The following PRTG variants were observed in gnomAD, a reference collection of about 807,000 sequenced individuals.
The protein encoded by PRTG is immunoglobulin superfamily, DCC subclass, member 5.
A neutral mutation model predicts 122.5 loss-of-function variants in PRTG; 67 were observed. The observed-to-expected ratio is 0.55, with a 90% CI of 0.45 to 0.67. The LOEUF (loss-of-function observed/expected upper bound fraction) is 0.67, where lower values mean the gene tolerates loss of function less well. Among genes scored for constraint, PRTG ranks in the 30% least tolerant of loss-of-function variants. The pLI is 0.00. For synonymous variants in PRTG, 554 were observed against 501.1 expected (o/e 1.11, Z -1.41); for missense variants, 1,435 against 1,415.4 (o/e 1.01, Z -0.22).
intron 9 of PRTG, among the ~76,000 whole-genome samples, chr15:55,673,972 T>G (rs981054516): frequency 6.6e-6 from 1 of 152,214 alleles, no homozygotes; most frequent in Admixed American, 6.5e-5. Context: ...ATGAGAATAC[T>G]TCTCAAACAA....
At chr15:55,656,310 T>A in intron 11 of PRTG, 1 of 454,272 alleles carries the variant, frequency 2.2e-6, no homozygotes, top group Non-Finnish European at 4.4e-6. Context: ...TTGTGGAATG[T>A]CTCACAATCC....
At chr15:55,713,948 A>T (rs1209174599) in intron 2 of PRTG, among the ~76,000 whole-genome samples, 1 of 152,114 alleles carries the variant, frequency 6.6e-6, no homozygotes, top group African/African-American at 2.4e-5. Context: ...TTCATGGGTT[A>T]GGCTTTCTGT....
At chr15:55,696,211 C>A (rs1236271055) in intron 2 of PRTG, among the ~76,000 whole-genome samples, 3 of 152,032 alleles carry the variant, frequency 2.0e-5, no homozygotes, top group East Asian at 3.8e-4. Flanking sequence ...CTGCAGTGAG[C>A]CATTATCATG....
chr15:55,722,630 G>C (rs2030869002), intron 2 of PRTG, among the ~76,000 whole-genome samples: 1 of 152,220 alleles, frequency 6.6e-6, no homozygotes, highest in African/African-American at 2.4e-5. Context: ...TAGGCTTGTA[G>C]TTTCCAGAGT....
rs991190962 is a variant in PRTG at position 55,686,718 on chromosome 15, A to G, written c.398-2787T>C. Among the ~76,000 whole-genome samples the G allele has an allele frequency of 9.8e-5, 15 of 152,314 alleles. No homozygotes were observed. The East Asian group carries it at 2.9e-3, about 29-fold the overall frequency. On this transcript the variant is annotated intron_variant, in intron 2 of 19. Coordinates refer to ENST00000389286, the MANE Select transcript of PRTG (RefSeq NM_173814.6). ...ATTCCCTGTAAAACTCTAGCCTTATATTCAACCACTTACAATGATGTTTCA... is the reference window on the plus strand; with the variant it reads ...ATTCCCTGTAAAACTCTAGCCTTATGTTCAACCACTTACAATGATGTTTCA...
chr15:55,646,211 A>C (rs1595616853), intron 11 of PRTG, among the ~76,000 whole-genome samples: 4 of 133,124 alleles, frequency 3.0e-5, no homozygotes, highest in African/African-American at 5.7e-5. Context: ...ACGGGGTTTC[A>C]CCATGTTGGC....
chr15:55,660,210 T>C (rs905167497), intron 11 of PRTG, among the ~76,000 whole-genome samples: 8 of 152,168 alleles, frequency 5.3e-5, no homozygotes, highest in African/African-American at 1.7e-4. Flanking sequence ...GCATAGTTAG[T>C]ACAAGGCTTA....
At chr15:55,626,941 T>A in intron 17 of PRTG, 67 bp downstream of exon 17, 1 of 1,472,210 alleles carries the variant, frequency 6.8e-7, no homozygotes, top group Non-Finnish European at 9.1e-7. Context: ...TTGACTTTCA[T>A]TTGTTTCCTG....
chr15:55,741,325 T>C (rs2031599818), intron 1 of PRTG, among the ~76,000 whole-genome samples: 1 of 152,232 alleles, frequency 6.6e-6, no homozygotes, highest in Non-Finnish European at 1.5e-5. Flanking sequence ...AGTTGGTAAC[T>C]CTTGCTGCTT....
intron 2 of PRTG, among the ~76,000 whole-genome samples, chr15:55,719,391 G>T (rs2030725772): frequency 6.6e-6 from 1 of 152,296 alleles, no homozygotes; most frequent in South Asian, 2.1e-4. Context: ...TTCTAGAAGA[G>T]TATATTTTGA....
chr15:55,658,302 G>T (rs369653346), intron 11 of PRTG, among the ~76,000 whole-genome samples: 1 of 151,696 alleles, frequency 6.6e-6, no homozygotes, highest in African/African-American at 2.4e-5. Context: ...TTGTGCATGC[G>T]CATTATTGTT....
At chr15:55,662,101 T>G (rs779143496) in intron 11 of PRTG, among the ~76,000 whole-genome samples, 8 of 152,226 alleles carry the variant, frequency 5.3e-5, no homozygotes, top group Non-Finnish European at 7.3e-5. Context: ...TTTGGAAAGT[T>G]GAACTTTCTT....
intron 15 of PRTG, 144 bp downstream of exon 15, chr15:55,637,026 T>C: frequency 1.7e-6 from 1 of 587,604 alleles, no homozygotes; most frequent in Non-Finnish European, 2.7e-6. Flanking sequence ...GGCTTCCCGA[T>C]GCCCTTTGAA....
rs566328195 is a variant in PRTG at position 55,732,996 on chromosome 15, G to A, written c.397+7386C>T. Among the ~76,000 whole-genome samples the A allele has an allele frequency of 3.0e-4, 46 of 152,164 alleles. 1 individual carries two copies. Among genetic ancestry groups the A allele is most frequent in the African/African-American group, 1.1e-3 (45 of 41,512 alleles). ...GGAGGCTGAGGCGGGCAGACCACGA[G>A]GTCAAGAGATCGAGACCATTCTGGT... On this transcript the variant is annotated intron_variant, in intron 2 of 19. Coordinates refer to ENST00000389286, the MANE Select transcript of PRTG (RefSeq NM_173814.6).
Position 55,615,946 on chromosome 15 carries a change from C to G in PRTG, c.*4066G>C, listed in dbSNP as rs529232360. On this transcript the variant is annotated 3_prime_UTR_variant, in exon 20 of 20. Coordinates refer to ENST00000389286, the MANE Select transcript of PRTG (RefSeq NM_173814.6). ...GATCCTGGGTTGTCAACCACGAGCA[C>G]ATTTCTGGCAGAAGTCCTTAACAAA... The G allele has an allele frequency of 6.6e-6, 1 of 152,224 alleles. No homozygotes were observed. The highest frequency in any genetic ancestry group is 1.5e-5 in the Non-Finnish European group (1 of 67,988). The allele number at this position is 152,224 out of a possible 1,614,324, so 9.4% of individuals were successfully genotyped here.
At chr15:55,711,950 T>C (rs1306106637) in intron 2 of PRTG, among the ~76,000 whole-genome samples, 1 of 152,104 alleles carries the variant, frequency 6.6e-6, no homozygotes, top group Non-Finnish European at 1.5e-5. Context: ...GTTATACAAG[T>C]AGATGACAAC....
intron 7 of PRTG, 45 bp downstream of exon 7, chr15:55,679,241 G>C: frequency 7.9e-7 from 1 of 1,270,846 alleles, no homozygotes; most frequent in Non-Finnish European, 1.1e-6. Flanking sequence ...AATTACTAAA[G>C]CCATTATATC....
intron 11 of PRTG, among the ~76,000 whole-genome samples, chr15:55,645,433 C>CAAAAAAAAAAAAAAAAAAAAAAAAAA (rs374791424): frequency 1.6e-4 from 3 of 18,944 alleles, no homozygotes; most frequent in Admixed American, 1.0e-3. Flanking sequence ...AACTCCGTCT[C>CAAAAAAAAAAAAAAAAAAAAAAAAAA]AAAAAAAAAA....
chr15:55,652,449 A>G (rs2059358057), intron 11 of PRTG, among the ~76,000 whole-genome samples: 1 of 152,174 alleles, frequency 6.6e-6, no homozygotes, highest in Non-Finnish European at 1.5e-5. Context: ...TTTCAGGCCC[A>G]TTGTTCCCCT....
Sources: gnomAD v4.1 joint callset for allele counts (sites outside exome capture counted in the v4.1 genomes callset) on GRCh38, gnomAD v4.1.1 for gene constraint, MANE v1.5 for transcripts, NCBI Gene and HGNC (gene_info 2026-07-23, HGNC 2026-07-21) for gene names.